The following THSD7B variants were observed in gnomAD, a reference collection of about 807,000 sequenced individuals.
The protein encoded by THSD7B is thrombospondin type 1 domain containing 7B.
Under a neutral mutation model 213.6 loss-of-function variants are expected in THSD7B, and 138 were observed. The observed-to-expected ratio is 0.65, with a 90% CI of 0.56 to 0.74. The LOEUF (loss-of-function observed/expected upper bound fraction) is 0.74. Ranked by LOEUF, THSD7B falls within the 30% of genes least tolerant of loss-of-function variation. The pLI is 0.00. For missense variants in THSD7B, 1,931 were observed against 1,991.5 expected, an observed-to-expected ratio of 0.97 and a Z score of 0.58; for synonymous variants, 742 against 687.0, an observed-to-expected ratio of 1.08 and a Z score of -1.25.
chr2:137,382,588 G>C (rs1336301697), intron 12 of THSD7B, among the ~76,000 whole-genome samples: 1 of 152,226 alleles, frequency 6.6e-6, no homozygotes, highest in Non-Finnish European at 1.5e-5. Context: ...AGTATGGCAG[G>C]ATGGGCTGCA....
chr2:137,492,384 T>A (rs991487769), intron 15 of THSD7B, among the ~76,000 whole-genome samples: 6 of 152,180 alleles, frequency 3.9e-5, no homozygotes, highest in Admixed American at 1.3e-4. Context: ...CTATTTAGGC[T>A]TATTAATCTC....
At chr2:136,856,671 C>T (rs867373606) in intron 1 of THSD7B, among the ~76,000 whole-genome samples, 15 of 152,174 alleles carry the variant, frequency 9.9e-5, no homozygotes, top group Admixed American at 2.0e-4. Context: ...TCCGCCACCA[C>T]GCCTGGCTAA....
intron 2 of THSD7B, among the ~76,000 whole-genome samples, chr2:137,052,301 A>G (rs567861153): frequency 1.3e-5 from 2 of 152,268 alleles, no homozygotes; most frequent in African/African-American, 4.8e-5. Context: ...ATACAGAACT[A>G]CTGTCCCCAT....
At chr2:136,949,621 C>T (rs1685001356) in intron 2 of THSD7B, among the ~76,000 whole-genome samples, 1 of 152,212 alleles carries the variant, frequency 6.6e-6, no homozygotes, top group African/African-American at 2.4e-5. Flanking sequence ...GAGGAACATG[C>T]AGCAACTACA....
intron 5 of THSD7B, among the ~76,000 whole-genome samples, chr2:137,149,069 G>A (rs925915092): frequency 5.3e-5 from 8 of 152,128 alleles, no homozygotes; most frequent in East Asian, 1.9e-4. Context: ...ATGCAGCCTC[G>A]AACATGGTAC....
chr2:136,831,735 G>T (rs937380749), intron 1 of THSD7B, among the ~76,000 whole-genome samples: 3 of 152,182 alleles, frequency 2.0e-5, no homozygotes, highest in Admixed American at 6.5e-5. Flanking sequence ...AGATGCTTTC[G>T]AAAGAAACTT....
At chr2:137,368,354 A>G (rs1685467399) in intron 12 of THSD7B, among the ~76,000 whole-genome samples, 1 of 151,620 alleles carries the variant, frequency 6.6e-6, no homozygotes, top group South Asian at 2.1e-4. Flanking sequence ...CTCTTTTTTC[A>G]CTTAAAAATT....
chr2:137,441,271 A>C (rs558697326), intron 14 of THSD7B, among the ~76,000 whole-genome samples: 2 of 152,100 alleles, frequency 1.3e-5, no homozygotes, highest in Non-Finnish European at 2.9e-5. Flanking sequence ...GCCCCAATCA[A>C]ATTTATACCA....
intron 1 of THSD7B, among the ~76,000 whole-genome samples, chr2:136,774,937 G>C (rs1285694293): frequency 6.6e-6 from 1 of 152,076 alleles, no homozygotes; most frequent in East Asian, 1.9e-4. Context: ...TTGTTTGTAA[G>C]CTATATGAAT....
intron 5 of THSD7B, among the ~76,000 whole-genome samples, chr2:137,147,431 C>T (rs888948983): frequency 1.3e-4 from 19 of 150,748 alleles, no homozygotes; most frequent in African/African-American, 2.9e-4. Flanking sequence ...CTAACAAGGA[C>T]GTCAGTTACA....
At chr2:137,503,753 G>A (rs769068285) in intron 15 of THSD7B, among the ~76,000 whole-genome samples, 10 of 152,192 alleles carry the variant, frequency 6.6e-5, no homozygotes, top group East Asian at 5.8e-4. Context: ...TGAGCCGGGC[G>A]CGGTAGCTCA....
chr2:137,141,854 A>G (rs1286080222), intron 5 of THSD7B, among the ~76,000 whole-genome samples: 4 of 152,124 alleles, frequency 2.6e-5, no homozygotes, highest in African/African-American at 9.7e-5. Context: ...TCTAGAAGTT[A>G]CATTTAATGT....
chr2:136,957,471 A>G (rs1028645753), intron 2 of THSD7B, among the ~76,000 whole-genome samples: 1 of 151,090 alleles, frequency 6.6e-6, no homozygotes, highest in Non-Finnish European at 1.5e-5. Context: ...GATTAATTCA[A>G]TTATTATCAT....
chr2:137,523,931 T>C (rs1311841776), intron 15 of THSD7B, among the ~76,000 whole-genome samples: 1 of 152,200 alleles, frequency 6.6e-6, no homozygotes, highest in African/African-American at 2.4e-5. Context: ...ACATGACTTT[T>C]AGTTAAAAAT....
chr2:137,046,203 G>A (rs1419214236), intron 2 of THSD7B, among the ~76,000 whole-genome samples: 2 of 152,178 alleles, frequency 1.3e-5, no homozygotes, highest in Non-Finnish European at 2.9e-5. Context: ...GAATAGAGTA[G>A]TGAATAGGTT....
chr2:137,150,775 T>C (rs769829712), intron 5 of THSD7B, among the ~76,000 whole-genome samples: 36 of 152,200 alleles, frequency 2.4e-4, no homozygotes, highest in Non-Finnish European at 4.4e-4. Context: ...TACACAAATC[T>C]AGTTGGGATA....
chr2:136,871,052 T>A (rs1683423842), intron 1 of THSD7B, among the ~76,000 whole-genome samples: 1 of 152,042 alleles, frequency 6.6e-6, no homozygotes, highest in Non-Finnish European at 1.5e-5. Context: ...GCAGATGGAT[T>A]GATTTTTCGA....
intron 4 of THSD7B, among the ~76,000 whole-genome samples, chr2:137,113,523 G>T (rs542162321): frequency 6.6e-6 from 1 of 151,938 alleles, no homozygotes; most frequent in Non-Finnish European, 1.5e-5. Flanking sequence ...CGCACCCTCC[G>T]CCTCCTGGGT....
intron 1 of THSD7B, among the ~76,000 whole-genome samples, chr2:136,802,637 GTTTATATATA>G (rs1383641805): frequency 2.6e-5 from 1 of 39,024 alleles, no homozygotes; most frequent in East Asian, 8.8e-4. Flanking sequence ...TATGAATTAA[GTTTATATATA>G]TATATATATA....
Sources: gnomAD v4.1 joint callset for allele counts (sites outside exome capture counted in the v4.1 genomes callset) on GRCh38, gnomAD v4.1.1 for gene constraint, MANE v1.5 for transcripts, NCBI Gene and HGNC (gene_info 2026-07-23, HGNC 2026-07-21) for gene names.